ZNF596: variants seen among roughly 807,000 people sequenced by gnomAD.
ZNF596 encodes the protein zinc finger protein 596.
ZNF596 carries 45 observed loss-of-function variants against 48.3 expected under a neutral mutation model. The observed-to-expected ratio is 0.93, with a 90% CI of 0.73 to 1.19. The LOEUF (loss-of-function observed/expected upper bound fraction) is 1.19, where lower values mean the gene tolerates loss of function less well. Among genes scored for constraint, ZNF596 ranks in the 50% most tolerant of loss-of-function variants. The pLI, the probability that ZNF596 is intolerant of heterozygous loss-of-function variation, is 0.00. For missense variants in ZNF596, 848 were observed against 599.7 expected (o/e 1.41, Z -4.32); for synonymous variants, 270 against 202.0 (o/e 1.34, Z -2.85).
At position 246,428 on chromosome 8, in the gene ZNF596, C is replaced by A. The variant is rs771004447; in HGVS notation, c.*66C>A. On this transcript the variant is annotated 3_prime_UTR_variant, in exon 6 of 6. Coordinates refer to ENST00000398612, the MANE Select transcript of ZNF596 (RefSeq NM_001042416.3). ...CAAACATACTACAGGAATATTATGT[C>A]TGTAATCAGTGTGGAAAAGCCTTTA... The A allele has an allele frequency of 8.0e-6, 12 of 1,504,462 alleles. No homozygotes were observed. The highest frequency in any genetic ancestry group is 2.8e-5 in the African/African-American group (2 of 71,408). The allele number at this position is 1,504,462 out of a possible 1,614,324, so 93.2% of individuals were successfully genotyped here.
Position 240,906 on chromosome 8 carries a change from C to CG in ZNF596, c.12+1dup. 1 of 1,614,064 alleles carries CG rather than the reference C, an allele frequency of 6.2e-7. No individual in the cohort carries two copies. Among genetic ancestry groups the CG allele is most frequent in the Middle Eastern group, 1.6e-4 (1 of 6,062 alleles). ...GGCTGAGCTAGTACAATGCCATCAC[C>CG]GGTGAGTGGGAAATTCTTCTTTCTA... On this transcript the variant is annotated frameshift_variant and splice_region_variant, in exon 2 of 6. Transcript: ENST00000398612. LOFTEE classifies it high-confidence loss of function.
At position 242,940 on chromosome 8, in the gene ZNF596, C is replaced by G. The variant is rs1364305610; in HGVS notation, c.66C>G (p.Ala22=). 1 of 1,603,920 alleles carries G rather than the reference C, an allele frequency of 6.2e-7. No homozygotes were observed. Among genetic ancestry groups the G allele is most frequent in the African/African-American group, 1.3e-5 (1 of 74,610 alleles). Residue 22 remains alanine, a synonymous_variant, in exon 3 of 6, where the codon GCC becomes GCG. Coordinates refer to ENST00000398612, the MANE Select transcript of ZNF596 (RefSeq NM_001042416.3). ...TAGACTTCACTCAAGAAGAGTGGGCCCTGCTGGACACATCCCAGAGAAAGC... is the reference window on the plus strand; with the variant it reads ...TAGACTTCACTCAAGAAGAGTGGGCGCTGCTGGACACATCCCAGAGAAAGC... ...IIVDFTQEEW[A]LLDTSQRKLF...
intron 5 of ZNF596, 108 bp downstream of exon 5, chr8:244,809 T>G: frequency 1.1e-6 from 1 of 881,880 alleles, no homozygotes. Flanking sequence ...CTCCCAGCAG[T>G]TTTAGATAGT....
rs1279077551 is a variant in ZNF596 at position 245,535 on chromosome 8, A to G, written c.688A>G (p.Lys230Glu). ...ACCACACGGATGTCATCTATGTGGG[A>G]AAGCCTTTACTCATTGCTCTGATCT... is the stretch of plus-strand genomic sequence containing the variant. ...EKPHGCHLCG[K>E]AFTHCSDLRK... Residue 230 changes from lysine (K) to glutamate (E), a missense_variant, in exon 6 of 6, where the codon AAA becomes GAA. Coordinates refer to ENST00000398612, the MANE Select transcript of ZNF596 (RefSeq NM_001042416.3). The G allele has an allele frequency of 1.2e-6, 2 of 1,614,042 alleles. No homozygotes were observed. Among genetic ancestry groups the G allele is most frequent in the Admixed American group, 1.7e-5 (1 of 60,008 alleles).
At position 245,170 on chromosome 8, in the gene ZNF596, A is replaced by C. The variant is rs1318455237; in HGVS notation, c.323A>C (p.Glu108Ala). Residue 108 changes from glutamate (E) to alanine (A), a missense_variant, in exon 6 of 6, where the codon GAG becomes GCG. By Grantham distance (107) the Glu-to-Ala change is moderately radical. Transcript: ENST00000398612. ...TISTMRSHTQ[E>A]DPFLCNDLGE... ...CAAAACCAGAGATCTCATACTCAAG[A>C]GGATCCTTTTCTATGCAATGACTTA... 6.3e-7 allele frequency: 1 copy of C among 1,595,548 alleles called. No individual in the cohort carries two copies.
intron 4 of ZNF596, 170 bp from the exon 5 acceptor site, chr8:244,449 A>C: frequency 1.7e-6 from 1 of 591,564 alleles, no homozygotes; most frequent in Non-Finnish European, 2.9e-6. Flanking sequence ...ATATGCTGAA[A>C]ATGTCAGTAG....
intron 1 of ZNF596, chr8:233,292 G>A: frequency 5.9e-6 from 2 of 336,284 alleles, no homozygotes; most frequent in Admixed American, 8.8e-5. Context: ...AGAGAGGGCA[G>A]CAGAAGCCTA....
chr8:233,607 CA>C (rs1385984222), intron 1 of ZNF596: 2 of 155,146 alleles, frequency 1.3e-5, no homozygotes, highest in African/African-American at 2.4e-5. Context: ...CTGTTTTCTG[CA>C]AATATTGAAG....
In ZNF596 at chr8:245,151, C is replaced by T. The variant is rs755225844; in HGVS notation, c.307-3C>T. ...TAGTCTTTCATTTCATTCCCAAAAC[C>T]AGAGATCTCATACTCAAGAGGATCC... On this transcript the variant is annotated splice_polypyrimidine_tract_variant and splice_region_variant and intron_variant, in intron 5 of 5. Transcript: ENST00000398612. The T allele has an allele frequency of 1.3e-6, 2 of 1,566,124 alleles. No individual in the cohort carries two copies. Among genetic ancestry groups the T allele is most frequent in the South Asian group, 2.4e-5 (2 of 82,902 alleles).
At chr8:244,380 A>G in intron 4 of ZNF596, 1 of 519,264 alleles carries the variant, frequency 1.9e-6, no homozygotes, top group Non-Finnish European at 3.4e-6. Flanking sequence ...CTAGCCCTTT[A>G]TAATGGTCCT....
chr8:245,824 A>T lies in ZNF596; in HGVS notation c.977A>T (p.Glu326Val). 1 of 1,614,146 alleles carries T rather than the reference A, an allele frequency of 6.2e-7. No homozygotes were observed. The highest frequency in any genetic ancestry group is 8.5e-7 in the Non-Finnish European group (1 of 1,180,012). Residue 326 changes from glutamate (E) to valine (V), a missense_variant, in exon 6 of 6, where the codon GAA becomes GTA. Physicochemically the swap from Glu to Val is moderately radical, Grantham distance 121. Transcript: ENST00000398612. ...FSKCSYLRQH[E>V]RTHNGEKPYE... ...AAATGTTCTTACCTTAGACAACATG[A>T]AAGAACTCACAATGGAGAGAAACCA... is the stretch of plus-strand genomic sequence containing the variant.
intron 1 of ZNF596, chr8:233,245 G>A: frequency 2.5e-6 from 1 of 402,484 alleles, no homozygotes; most frequent in South Asian, 1.9e-5. Context: ...AGATATGGAG[G>A]ACAGAATACA....
chr8:245,149 A>G lies in ZNF596; in HGVS notation c.307-5A>G. 1.9e-6 allele frequency: 3 copies of G among 1,564,372 alleles called. No homozygotes were observed. The highest frequency in any genetic ancestry group is 2.6e-6 in the Non-Finnish European group (3 of 1,158,012). ...AATAGTCTTTCATTTCATTCCCAAA[A>G]CCAGAGATCTCATACTCAAGAGGAT... On this transcript the variant is annotated splice_polypyrimidine_tract_variant and splice_region_variant and intron_variant, in intron 5 of 5. Transcript: ENST00000398612.
At chr8:239,179 C>CT (rs1271785725) in intron 1 of ZNF596, among the ~76,000 whole-genome samples, 1 of 152,066 alleles carries the variant, frequency 6.6e-6, no homozygotes, top group Non-Finnish European at 1.5e-5. Flanking sequence ...TTGGAGGGTC[C>CT]TAAGAACTCC....
intron 4 of ZNF596, chr8:244,333 G>T (rs960121377): frequency 8.8e-5 from 32 of 363,998 alleles, no homozygotes; most frequent in African/African-American, 5.8e-4. Context: ...TTGTAAAGGG[G>T]ATATTTGTGT....
chr8:236,769 A>G (rs1796633963), intron 1 of ZNF596, among the ~76,000 whole-genome samples: 1 of 152,190 alleles, frequency 6.6e-6, no homozygotes, highest in African/African-American at 2.4e-5. Context: ...TCATTATTTA[A>G]CCATACCAGT....
At chr8:240,140 G>A (rs550047216) in intron 1 of ZNF596, among the ~76,000 whole-genome samples, 1 of 152,318 alleles carries the variant, frequency 6.6e-6, no homozygotes, top group South Asian at 2.1e-4. Flanking sequence ...ACATGTTCAA[G>A]TTTTCATGTT....
chr8:238,831 G>A (rs1296826811), intron 1 of ZNF596, among the ~76,000 whole-genome samples: 1 of 151,514 alleles, frequency 6.6e-6, no homozygotes, highest in African/African-American at 2.4e-5. Flanking sequence ...AGAAATGGAG[G>A]TTTCTGATTT....
At chr8:243,634 C>T in intron 3 of ZNF596, 88 bp from the exon 4 acceptor site, 2 of 1,320,634 alleles carry the variant, frequency 1.5e-6, no homozygotes, top group South Asian at 1.3e-5. Context: ...GCTAACTTAT[C>T]CTTCCCAGTA....
Sources: gnomAD v4.1 joint callset for allele counts (sites outside exome capture counted in the v4.1 genomes callset) on GRCh38, gnomAD v4.1.1 for gene constraint, MANE v1.5 for transcripts, NCBI Gene and HGNC (gene_info 2026-07-23, HGNC 2026-07-21) for gene names.